RBM47: variants seen among roughly 807,000 people sequenced by gnomAD.
RBM47 encodes RNA binding motif protein 47, also known as RNA-binding protein 47.
A neutral mutation model predicts 47.1 loss-of-function variants in RBM47; 21 were observed. The ratio of observed to expected loss-of-function variants is 0.45; its 90% CI spans 0.32 to 0.64. The LOEUF is 0.64. Ranked by LOEUF, RBM47 falls within the 30% of genes least tolerant of loss-of-function variation. RBM47 has a pLI of 0.05. For missense variants in RBM47, 708 were observed against 870.9 expected (o/e 0.81, Z 2.35); for synonymous variants, 375 against 361.7 (o/e 1.04, Z -0.42).
chr4:40,441,718 C>A (rs1418025707), intron 3 of RBM47, among the ~76,000 whole-genome samples: 1 of 152,192 alleles, frequency 6.6e-6, no homozygotes, highest in African/African-American at 2.4e-5. Flanking sequence ...ATTCTACCTA[C>A]AAAAACAGTC....
chr4:40,607,597 T>A (rs1002294314), intron 1 of RBM47, among the ~76,000 whole-genome samples: 5 of 152,130 alleles, frequency 3.3e-5, no homozygotes, highest in Non-Finnish European at 7.3e-5. Flanking sequence ...ATTCTAGCTA[T>A]TCAGGAGGCT....
chr4:40,446,319 G>A (rs940667534), intron 3 of RBM47, among the ~76,000 whole-genome samples: 4 of 152,164 alleles, frequency 2.6e-5, no homozygotes, highest in Non-Finnish European at 4.4e-5. Flanking sequence ...CATCAGAGCT[G>A]GTGTGTGAAC....
chr4:40,594,816 C>G (rs1578035586), intron 1 of RBM47, among the ~76,000 whole-genome samples: 2 of 152,294 alleles, frequency 1.3e-5, no homozygotes, highest in East Asian at 3.9e-4. Context: ...TAAGTACTAT[C>G]ACTCTCTACC....
At position 40,495,342 on chromosome 4, in the gene RBM47, C is replaced by T. The variant is rs139507197; in HGVS notation, c.-154-28643G>A. ...TTTTACTCAGCCAGGCATGGTGGCT[C>T]ACATCTGTAATCCCCTTGGGAGCCT... On this transcript the variant is annotated intron_variant, in intron 2 of 6. Transcript: ENST00000295971. Among the ~76,000 whole-genome samples, 1,036 of 152,258 alleles carry T rather than the reference C, an allele frequency of 6.8e-3. 14 individuals carry two copies. The highest frequency in any genetic ancestry group is 0.024 in the African/African-American group (1,006 of 41,538).
chr4:40,518,158 CTTTTTTTTTTTT>C (rs530465415), intron 2 of RBM47, among the ~76,000 whole-genome samples: 6 of 70,682 alleles, frequency 8.5e-5, no homozygotes, highest in East Asian at 9.7e-4. Context: ...CTTTTCTTTT[CTTTTTTTTTTTT>C]TTTTTTTTTT....
intron 1 of RBM47, among the ~76,000 whole-genome samples, chr4:40,602,101 G>A (rs1312411435): frequency 6.6e-6 from 1 of 152,070 alleles, no homozygotes; most frequent in Non-Finnish European, 1.5e-5. Context: ...CCGGGAGGTG[G>A]AGGTTGCAGT....
chr4:40,506,147 C>T (rs1193707835), intron 2 of RBM47, among the ~76,000 whole-genome samples: 1 of 152,118 alleles, frequency 6.6e-6, no homozygotes, highest in Admixed American at 6.5e-5. Context: ...TAGTAAGAAG[C>T]CATTTTATTG....
intron 3 of RBM47, among the ~76,000 whole-genome samples, chr4:40,451,657 T>C (rs552627210): frequency 6.6e-6 from 1 of 152,330 alleles, no homozygotes; most frequent in East Asian, 1.9e-4. Flanking sequence ...GTCAATTCAC[T>C]GGTACTAAAG....
At chr4:40,458,395 T>C (rs148916255) in intron 3 of RBM47, among the ~76,000 whole-genome samples, 159 of 152,346 alleles carry the variant, frequency 1.0e-3, no homozygotes, top group African/African-American at 3.7e-3. Context: ...CCTGATTATG[T>C]TGATGTCATG....
chr4:40,625,410 T>G (rs996655373), intron 1 of RBM47, among the ~76,000 whole-genome samples: 1 of 152,210 alleles, frequency 6.6e-6, no homozygotes, highest in African/African-American at 2.4e-5. Flanking sequence ...AGATACTTTT[T>G]ATTATAATAT....
intron 1 of RBM47, among the ~76,000 whole-genome samples, chr4:40,586,791 G>A (rs528844704): frequency 1.3e-5 from 2 of 151,950 alleles, no homozygotes; most frequent in East Asian, 1.9e-4. Context: ...CATGACGGGT[G>A]TCTTCTGGGG....
chr4:40,486,222 A>G (rs1023526442), intron 2 of RBM47, among the ~76,000 whole-genome samples: 2 of 152,174 alleles, frequency 1.3e-5, no homozygotes, highest in African/African-American at 4.8e-5. Flanking sequence ...AGAACTGAGC[A>G]TTAAATGGAA....
chr4:40,529,857 T>C (rs1402911658), intron 2 of RBM47, among the ~76,000 whole-genome samples: 32 of 140,902 alleles, frequency 2.3e-4, no homozygotes, highest in East Asian at 6.2e-4. Flanking sequence ...AATAAATAAA[T>C]AAATAAATAA....
In RBM47 at chr4:40,609,523, G is replaced by A. The variant is rs555482942; in HGVS notation, c.-240+19873C>T. Among the ~76,000 whole-genome samples the A allele has an allele frequency of 1.2e-4, 18 of 149,366 alleles. No homozygotes were observed. The South Asian group carries it at 3.8e-3, about 32-fold the overall frequency. On this transcript the variant is annotated intron_variant, in intron 1 of 6. Transcript: ENST00000295971. Reference sequence around the variant, plus strand: ...AGACAGGGTTTCACCATGTTGGCCAGGCTGGTCTCGAACTCCTGACCTCAA... The same window carrying A: ...AGACAGGGTTTCACCATGTTGGCCAAGCTGGTCTCGAACTCCTGACCTCAA...
chr4:40,601,795 G>C (rs1735304658), intron 1 of RBM47, among the ~76,000 whole-genome samples: 1 of 152,186 alleles, frequency 6.6e-6, no homozygotes, highest in African/African-American at 2.4e-5. Context: ...GTGGCCCCAA[G>C]TTGTGGTGAA....
At position 40,561,334 on chromosome 4, in the gene RBM47, C is replaced by T. The variant is rs1461913450; in HGVS notation, c.-239-16828G>A. 5.4e-5 allele frequency among the ~76,000 whole-genome samples: 8 copies of T among 147,752 alleles called. No homozygotes were observed. In the East Asian group the frequency reaches 1.4e-3, roughly 26 times the overall value. ...GCGACCACCGCTTCCTGGGTTCAAGCGATTCTCCGGCCTCAGCATCATAAG... is the reference window on the plus strand; with the variant it reads ...GCGACCACCGCTTCCTGGGTTCAAGTGATTCTCCGGCCTCAGCATCATAAG... On this transcript the variant is annotated intron_variant, in intron 1 of 6. Transcript: ENST00000295971.
At chr4:40,520,960 T>C (rs2154256144) in intron 2 of RBM47, among the ~76,000 whole-genome samples, 1 of 152,220 alleles carries the variant, frequency 6.6e-6, no homozygotes, top group Non-Finnish European at 1.5e-5. Flanking sequence ...TATTTCCCTT[T>C]TACACGGCAT....
At chr4:40,590,767 A>G (rs917878856) in intron 1 of RBM47, among the ~76,000 whole-genome samples, 16 of 152,222 alleles carry the variant, frequency 1.1e-4, no homozygotes, top group African/African-American at 3.1e-4. Flanking sequence ...ATATCATGTT[A>G]AGTGAAAGAA....
At chr4:40,571,310 A>ATT (rs1445943884) in intron 1 of RBM47, among the ~76,000 whole-genome samples, 3 of 152,116 alleles carry the variant, frequency 2.0e-5, no homozygotes, top group Non-Finnish European at 2.9e-5. Context: ...GTTCAAGTAT[A>ATT]TATGGGAATT....
Sources: allele counts gnomAD v4.1 joint callset (sites outside exome capture counted in the v4.1 genomes callset), GRCh38; gene constraint gnomAD v4.1.1; transcripts MANE v1.5; gene names NCBI Gene and HGNC (gene_info 2026-07-23, HGNC 2026-07-21).